The following ARHGAP44 variants were observed in gnomAD, a reference collection of about 807,000 sequenced individuals.
The protein encoded by ARHGAP44 is Rho GTPase activating protein 44.
ARHGAP44 carries 43 observed loss-of-function variants against 106.8 expected under a neutral mutation model. The ratio of observed to expected loss-of-function variants is 0.40; its 90% confidence interval spans 0.32 to 0.52. The LOEUF is 0.52. Among genes scored for constraint, ARHGAP44 ranks in the 20% least tolerant of loss-of-function variants. The pLI is 0.48. For missense variants in ARHGAP44, 866 were observed against 1,050.5 expected, an observed-to-expected ratio of 0.82 and a Z score of 2.43; for synonymous variants, 439 against 410.3, an observed-to-expected ratio of 1.07 and a Z score of -0.85.
At position 12,894,911 on chromosome 17, in the gene ARHGAP44, A is replaced by T. The variant is rs148141494; in HGVS notation, c.54-29A>T. 230 of 1,566,372 alleles carry T rather than the reference A, an allele frequency of 1.5e-4. No homozygotes were observed. The African/African-American group carries it at 2.3e-3, about 15-fold the overall frequency. ...ATGAGGCTCTGTTGTTAGTTTTGTT[A>T]CTGATATGTTTCTCAATGTTCTTTT... On this transcript the variant is annotated intron_variant, in intron 1 of 20. Transcript: ENST00000379672.
chr17:12,974,350 G>C (rs2039616240), intron 18 of ARHGAP44, 40 bp downstream of exon 18: 2 of 1,347,228 alleles, frequency 1.5e-6, no homozygotes, highest in South Asian at 3.7e-5. Flanking sequence ...GCTGGTGTGC[G>C]GTGCAGGGGG....
intron 1 of ARHGAP44, among the ~76,000 whole-genome samples, chr17:12,870,386 CTTT>C (rs2036375628): frequency 6.6e-6 from 1 of 152,206 alleles, no homozygotes; most frequent in East Asian, 1.9e-4. Flanking sequence ...CATTTTTAGC[CTTT>C]TAATACGTAC....
In ARHGAP44 at chr17:12,984,862, G is replaced by C. The variant is rs1228889514; in HGVS notation, c.2271G>C (p.Glu757Asp). 6.2e-7 allele frequency: 1 copy of C among 1,613,870 alleles called. No homozygotes were observed. The highest frequency in any genetic ancestry group is 1.1e-5 in the South Asian group (1 of 91,080). ...NLSASSPQST[E>D]APMLDGMSPG... ...CGGCCTCTAGTCCACAGTCCACGGA[G>C]GCCCCCATGCTAGATGGCATGTCCC... The change falls in exon 20 of 21, where the codon GAG (glutamate) becomes GAC (aspartate). Residue 757 changes from glutamate to aspartate, a missense_variant. Physicochemically the swap from Glu to Asp is conservative, Grantham distance 45 (BLOSUM62 2). This residue lies in a region of ARHGAP44 where 418 missense variants were observed against 403.6 expected (regional missense o/e 1.04). Coordinates refer to ENST00000379672, the MANE Select transcript of ARHGAP44 (RefSeq NM_014859.6).
intron 7 of ARHGAP44, among the ~76,000 whole-genome samples, chr17:12,938,264 C>T (rs979800562): frequency 6.6e-6 from 1 of 151,682 alleles, no homozygotes; most frequent in African/African-American, 2.4e-5. Flanking sequence ...TTTGAATTTC[C>T]CAGAATTAAT....
intron 3 of ARHGAP44, among the ~76,000 whole-genome samples, chr17:12,896,746 C>T (rs372595193): frequency 5.9e-5 from 9 of 152,330 alleles, no homozygotes; most frequent in Non-Finnish European, 8.8e-5. Context: ...AGTTGAGGTC[C>T]TCTCCCTGTC....
intron 1 of ARHGAP44, among the ~76,000 whole-genome samples, chr17:12,874,229 C>T (rs974212212): frequency 5.9e-5 from 9 of 152,216 alleles, no homozygotes; most frequent in Non-Finnish European, 1.2e-4. Flanking sequence ...GCAAAGCTTT[C>T]ACAGAGGACT....
At chr17:12,955,141 G>A (rs62058118) in intron 13 of ARHGAP44, among the ~76,000 whole-genome samples, 6,213 of 152,210 alleles carry the variant, frequency 0.041, 182 homozygotes, top group Non-Finnish European at 0.062. Context: ...CTTCTTTCAC[G>A]TAGCATAATG....
chr17:12,811,681 G>A (rs1229557818), intron 1 of ARHGAP44, among the ~76,000 whole-genome samples: 2 of 152,154 alleles, frequency 1.3e-5, no homozygotes, highest in Non-Finnish European at 2.9e-5. Context: ...ATTAGTGTCA[G>A]CATTGAGTTG....
chr17:12,918,538 A>G (rs1316657770), intron 5 of ARHGAP44, among the ~76,000 whole-genome samples: 2 of 152,168 alleles, frequency 1.3e-5, no homozygotes, highest in African/African-American at 4.8e-5. Flanking sequence ...TCTACATACA[A>G]CCAAAATGGA....
chr17:12,906,129 G>A (rs777349234), intron 3 of ARHGAP44, among the ~76,000 whole-genome samples: 1 of 152,154 alleles, frequency 6.6e-6, no homozygotes, highest in Non-Finnish European at 1.5e-5. Flanking sequence ...AATCACCCCT[G>A]GTTGAGAACC....
intron 1 of ARHGAP44, among the ~76,000 whole-genome samples, chr17:12,841,635 C>CAAAAA: frequency 1.1e-5 from 1 of 87,830 alleles, no homozygotes; most frequent in African/African-American, 3.9e-5. Flanking sequence ...CACACACACA[C>CAAAAA]ACACAAACAA....
chr17:12,954,600 T>C (rs1246011491), intron 13 of ARHGAP44, among the ~76,000 whole-genome samples: 1 of 152,094 alleles, frequency 6.6e-6, no homozygotes, highest in East Asian at 1.9e-4. Flanking sequence ...TCTACCGGGC[T>C]CACGAAGGTG....
chr17:12,941,213 C>A, intron 8 of ARHGAP44, 89 bp downstream of exon 8: 1 of 1,224,334 alleles, frequency 8.2e-7, no homozygotes, highest in Non-Finnish European at 1.2e-6. Context: ...TAATTGATCA[C>A]ATCATAGAAA....
At chr17:12,852,290 T>C (rs2035773044) in intron 1 of ARHGAP44, among the ~76,000 whole-genome samples, 1 of 142,196 alleles carries the variant, frequency 7.0e-6, no homozygotes, top group African/African-American at 2.6e-5. Context: ...TTTTTTTTTT[T>C]TTTTTGGTCA....
intron 1 of ARHGAP44, among the ~76,000 whole-genome samples, chr17:12,861,657 T>TTTTTTTTTTTTTTTTTTTG (rs1567654628): frequency 9.0e-5 from 1 of 11,138 alleles, no homozygotes; most frequent in African/African-American, 2.2e-4. Context: ...TTTTTTTTTT[T>TTTTTTTTTTTTTTTTTTTG]TGAGATGGAA....
intron 1 of ARHGAP44, among the ~76,000 whole-genome samples, chr17:12,877,120 C>G (rs565041359): frequency 6.6e-6 from 1 of 152,252 alleles, no homozygotes; most frequent in South Asian, 2.1e-4. Context: ...GTCTCTGCAT[C>G]ATGGCTGAAA....
In ARHGAP44 at chr17:12,945,639, C is replaced by T. The variant is rs188401241; in HGVS notation, c.861+1443C>T. 2.4e-3 allele frequency among the ~76,000 whole-genome samples: 361 copies of T among 152,210 alleles called. 1 individual carries two copies. The highest frequency in any genetic ancestry group is 0.017 in the Middle Eastern group (5 of 294). On this transcript the variant is annotated intron_variant, in intron 10 of 20. Coordinates refer to ENST00000379672, the MANE Select transcript of ARHGAP44 (RefSeq NM_014859.6). ...TAAGGGCTATGGATGAGAAGGAAGC[C>T]AGTGAGCATGCGGGTGTATGTGGCA...
intron 7 of ARHGAP44, among the ~76,000 whole-genome samples, chr17:12,938,784 A>G (rs1598087056): frequency 6.6e-6 from 1 of 152,206 alleles, no homozygotes; most frequent in African/African-American, 2.4e-5. Flanking sequence ...TGAGAATTTG[A>G]TTTATAGTTT....
At chr17:12,929,366 G>A (rs1598071113) in intron 7 of ARHGAP44, 1 of 210,866 alleles carries the variant, frequency 4.7e-6, no homozygotes, top group East Asian at 1.0e-4. Flanking sequence ...AGGTGACACA[G>A]GACAGTTGAG....
Sources: gnomAD v4.1 joint callset for allele counts (sites outside exome capture counted in the v4.1 genomes callset) on GRCh38, gnomAD v4.1.1 for gene constraint, gnomAD v4.1.1 regional missense constraint, MANE v1.5 for transcripts, NCBI Gene and HGNC (gene_info 2026-07-23, HGNC 2026-07-21) for gene names.